PALLD: variants seen among roughly 807,000 people sequenced by gnomAD.
PALLD encodes the protein palladin.
PALLD carries 61 observed loss-of-function variants against 123.5 expected under a neutral mutation model. That is an observed-to-expected ratio of 0.49 (90% CI 0.40 to 0.61). The LOEUF (loss-of-function observed/expected upper bound fraction) is 0.61, where lower values mean the gene tolerates loss of function less well. Ranked by LOEUF, PALLD falls within the 20% of genes least tolerant of loss-of-function variation. The probability of loss-of-function intolerance (pLI) is 0.00; values close to 1 mark genes in which losing one functional copy is unlikely to be tolerated. For synonymous variants in PALLD, 465 were observed against 496.4 expected, an observed-to-expected ratio of 0.94 and a Z score of 0.84; for missense variants, 1,273 against 1,377.0, an observed-to-expected ratio of 0.92 and a Z score of 1.20.
intron 2 of PALLD, among the ~76,000 whole-genome samples, chr4:168,580,274 C>T (rs921205019): frequency 3.3e-5 from 5 of 150,776 alleles, no homozygotes; most frequent in African/African-American, 1.2e-4. Context: ...GTGTGTATCA[C>T]ATTTTCTTTA....
chr4:168,877,709 C>G, intron 10 of PALLD: 1 of 1,123,098 alleles, frequency 8.9e-7, no homozygotes, highest in Non-Finnish European at 1.1e-6. Flanking sequence ...TGTCACTTCT[C>G]TTTTTCCCCC....
chr4:168,681,463 G>T (rs1000751657), intron 4 of PALLD, 65 bp downstream of exon 4: 4 of 1,021,996 alleles, frequency 3.9e-6, no homozygotes, highest in African/African-American at 1.6e-5. Context: ...GTTGGGGTAT[G>T]AAACCATGTT....
At chr4:168,728,638 A>C (rs548609054) in intron 10 of PALLD, among the ~76,000 whole-genome samples, 105 of 152,302 alleles carry the variant, frequency 6.9e-4, no homozygotes, top group African/African-American at 2.4e-3. Context: ...ATCGAATCAT[A>C]TTATCAGTGA....
At chr4:168,630,003 T>G (rs538271438) in intron 2 of PALLD, among the ~76,000 whole-genome samples, 57 of 152,344 alleles carry the variant, frequency 3.7e-4, no homozygotes, top group African/African-American at 1.3e-3. Flanking sequence ...CGAAAGTAGT[T>G]GGAGGGGCTT....
chr4:168,894,696 C>T lies in PALLD; in HGVS notation c.2199+19C>T. On this transcript the variant is annotated intron_variant, in intron 12 of 21. Transcript: ENST00000505667. ...TAATCAGGTACCATGTTGCTCTGGACTTCTTAGGGTAACATTTATTCTGTC... is the reference window on the plus strand; with the variant it reads ...TAATCAGGTACCATGTTGCTCTGGATTTCTTAGGGTAACATTTATTCTGTC... The T allele has an allele frequency of 1.2e-6, 2 of 1,610,326 alleles. No homozygotes were observed. The highest frequency in any genetic ancestry group is 1.7e-5 in the Admixed American group (1 of 59,922).
At chr4:168,525,966 TA>T (rs1452584764) in intron 2 of PALLD, among the ~76,000 whole-genome samples, 1 of 152,234 alleles carries the variant, frequency 6.6e-6, no homozygotes, top group Non-Finnish European at 1.5e-5. Context: ...TTGCCAATTT[TA>T]AAATTTTATA....
At chr4:168,662,909 G>A (rs4314247) in intron 2 of PALLD, among the ~76,000 whole-genome samples, 89,859 of 152,104 alleles carry the variant, frequency 0.59, 27,831 homozygotes, top group African/African-American at 0.79. Context: ...TCAGCTACAT[G>A]AAGAGTGGAT....
intron 1 of PALLD, among the ~76,000 whole-genome samples, chr4:168,511,074 T>A (rs1385665333): frequency 6.6e-6 from 1 of 152,134 alleles, no homozygotes; most frequent in Non-Finnish European, 1.5e-5. Context: ...TCAGATTTAC[T>A]AAAAATATCA....
At chr4:168,670,775 C>CAAAAAAAAAAAAAAAAAAAAAAAAAAAA (rs112589264) in intron 3 of PALLD, among the ~76,000 whole-genome samples, 4 of 100,186 alleles carry the variant, frequency 4.0e-5, no homozygotes, top group Admixed American at 1.0e-4. Flanking sequence ...CAAAAAAAAA[C>CAAAAAAAAAAAAAAAAAAAAAAAAAAAA]AAAAAAAAAA....
chr4:168,921,009 G>A (rs1704577400), intron 17 of PALLD, among the ~76,000 whole-genome samples: 1 of 152,214 alleles, frequency 6.6e-6, no homozygotes, highest in South Asian at 2.1e-4. Flanking sequence ...GTCTTCTCTA[G>A]GTTGCTCTGT....
At chr4:168,626,365 C>T (rs1775281159) in intron 2 of PALLD, among the ~76,000 whole-genome samples, 1 of 143,260 alleles carries the variant, frequency 7.0e-6, no homozygotes, top group South Asian at 2.3e-4. Context: ...CGCACCACTG[C>T]ACTCCAGCCT....
intron 2 of PALLD, among the ~76,000 whole-genome samples, chr4:168,663,624 C>T (rs1779335754): frequency 6.6e-6 from 1 of 152,160 alleles, no homozygotes; most frequent in African/African-American, 2.4e-5. Context: ...CTGGGATGGG[C>T]AGTCCCTGCA....
intron 9 of PALLD, among the ~76,000 whole-genome samples, chr4:168,711,003 A>T (rs1437408353): frequency 6.6e-6 from 1 of 152,206 alleles, no homozygotes; most frequent in Non-Finnish European, 1.5e-5. Flanking sequence ...AAAAGACGTG[A>T]TCTCAAGATG....
chr4:168,723,853 T>C (rs1188771831), intron 10 of PALLD, among the ~76,000 whole-genome samples: 2 of 152,188 alleles, frequency 1.3e-5, no homozygotes, highest in Admixed American at 1.3e-4. Context: ...ATGATCCATT[T>C]TGTGGTTACT....
At position 168,499,252 on chromosome 4, in the gene PALLD, G is replaced by A. The variant is rs193090898; in HGVS notation, c.-83+2058G>A. On this transcript the variant is annotated intron_variant, in intron 1 of 21. Coordinates refer to ENST00000505667, the MANE Select transcript of PALLD (RefSeq NM_001166108.2). ...GACGGGGAAGAAGGAAGGGAGAAGG[G>A]AGGGAGGAAGGGAGGGAGGATGGGA... is the stretch of plus-strand genomic sequence containing the variant. Among the ~76,000 whole-genome samples the A allele has an allele frequency of 3.2e-3, 377 of 118,420 alleles. 12 individuals carry two copies. The highest frequency in any genetic ancestry group is 0.011 in the African/African-American group (339 of 31,898). The allele number at this position is 118,420 out of a possible 152,430, so 77.7% of individuals were successfully genotyped here. A position where few individuals can be genotyped will look rare whatever the true frequency, so the allele number is the denominator to read the frequency against.
At chr4:168,924,795 T>G (rs1192974781) in intron 19 of PALLD, 150 bp from the exon 20 acceptor site, 2 of 757,336 alleles carry the variant, frequency 2.6e-6, no homozygotes, top group East Asian at 2.6e-5. Context: ...TTAACTTTAA[T>G]GGAGCTAGTA....
chr4:168,647,246 T>G (rs1242767478), intron 2 of PALLD, among the ~76,000 whole-genome samples: 1 of 152,204 alleles, frequency 6.6e-6, no homozygotes, highest in Non-Finnish European at 1.5e-5. Context: ...TTTAAGATTT[T>G]TGAAGGGTCT....
chr4:168,725,205 T>C (rs1275387728), intron 10 of PALLD, among the ~76,000 whole-genome samples: 1 of 152,200 alleles, frequency 6.6e-6, no homozygotes, highest in Admixed American at 6.5e-5. Context: ...AAAGAGTAGG[T>C]GTAGCCATCG....
chr4:168,556,596 C>T (rs1008525032), intron 2 of PALLD, among the ~76,000 whole-genome samples: 8 of 152,152 alleles, frequency 5.3e-5, no homozygotes, highest in African/African-American at 1.7e-4. Context: ...TTTAAAAGCT[C>T]AAACTATCCA....
Sources: allele counts gnomAD v4.1 joint callset (sites outside exome capture counted in the v4.1 genomes callset), GRCh38; gene constraint gnomAD v4.1.1; transcripts MANE v1.5; gene names NCBI Gene and HGNC (gene_info 2026-07-23, HGNC 2026-07-21).